KAZN: variants seen among roughly 807,000 people sequenced by gnomAD.
KAZN encodes the protein kazrin, periplakin interacting protein.
A neutral mutation model predicts 87.4 loss-of-function variants in KAZN; 40 were observed. The observed-to-expected ratio is 0.46, with a 90% CI of 0.36 to 0.60. The LOEUF is 0.60. Ranked by LOEUF, KAZN falls within the 20% of genes least tolerant of loss-of-function variation. The probability of loss-of-function intolerance (pLI) is 0.00; values close to 1 mark genes in which losing one functional copy is unlikely to be tolerated. For synonymous variants in KAZN, 466 were observed against 458.3 expected (o/e 1.02, Z -0.22); for missense variants, 898 against 1,073.9 (o/e 0.84, Z 2.29).
At chr1:14,580,708 C>T (rs1196130485) in intron 2 of KAZN, among the ~76,000 whole-genome samples, 2 of 152,002 alleles carry the variant, frequency 1.3e-5, no homozygotes, top group African/African-American at 4.8e-5. Context: ...TTTTATGCTG[C>T]TTTATTTATG....
chr1:14,763,701 C>T (rs757704652), intron 1 of KAZN, among the ~76,000 whole-genome samples: 4 of 152,130 alleles, frequency 2.6e-5, no homozygotes, highest in African/African-American at 9.7e-5. Context: ...CAATTATGAT[C>T]CTTTGCCTAA....
intron 2 of KAZN, among the ~76,000 whole-genome samples, chr1:14,329,450 T>C (rs1052959564): frequency 1.3e-5 from 2 of 152,156 alleles, no homozygotes; most frequent in African/African-American, 4.8e-5. Context: ...ATGAGAAATA[T>C]CCACTATACC....
chr1:14,801,930 C>T (rs566720226), intron 1 of KAZN, among the ~76,000 whole-genome samples: 6 of 152,124 alleles, frequency 3.9e-5, no homozygotes, highest in South Asian at 2.1e-4. Context: ...GTAATCCGCC[C>T]GCCTTGGCCT....
At chr1:14,937,248 A>T (rs75519826) in intron 1 of KAZN, among the ~76,000 whole-genome samples, 6,433 of 152,310 alleles carry the variant, frequency 0.042, 169 homozygotes, top group Middle Eastern at 0.1. Context: ...ATAGGACCAG[A>T]GGAGAGCCTT....
At chr1:14,815,939 C>T (rs189460547) in intron 1 of KAZN, among the ~76,000 whole-genome samples, 14 of 152,260 alleles carry the variant, frequency 9.2e-5, no homozygotes, top group East Asian at 3.9e-4. Context: ...AAATGAACCC[C>T]GAGTACACAC....
At chr1:14,794,494 G>T (rs924374719) in intron 1 of KAZN, among the ~76,000 whole-genome samples, 2 of 152,202 alleles carry the variant, frequency 1.3e-5, no homozygotes, top group African/African-American at 4.8e-5. Flanking sequence ...TGGTGTGCTG[G>T]TAAGTGTTGA....
At chr1:14,362,781 G>A (rs1203818019) in intron 2 of KAZN, among the ~76,000 whole-genome samples, 1 of 152,162 alleles carries the variant, frequency 6.6e-6, no homozygotes, top group African/African-American at 2.4e-5. Context: ...CAAGAAAATA[G>A]CAAATCTAGG....
intron 1 of KAZN, among the ~76,000 whole-genome samples, chr1:14,904,906 C>A (rs1016247400): frequency 6.6e-6 from 1 of 152,180 alleles, no homozygotes; most frequent in African/African-American, 2.4e-5. Context: ...GAACTACAGG[C>A]GCTGGCCACC....
At chr1:14,201,800 C>G (rs992730746) in intron 2 of KAZN, among the ~76,000 whole-genome samples, 8 of 152,176 alleles carry the variant, frequency 5.3e-5, no homozygotes, top group African/African-American at 1.9e-4. Flanking sequence ...TCCCGAGTAG[C>G]TGGGATTACA....
intron 1 of KAZN, among the ~76,000 whole-genome samples, chr1:14,129,566 C>CT: frequency 6.6e-6 from 1 of 152,312 alleles, no homozygotes; most frequent in South Asian, 2.1e-4. Context: ...ATCTGTGGGG[C>CT]TGTGCTGCGT....
intron 2 of KAZN, among the ~76,000 whole-genome samples, chr1:14,419,314 G>A (rs910935738): frequency 6.6e-6 from 1 of 152,168 alleles, no homozygotes; most frequent in Non-Finnish European, 1.5e-5. Context: ...GGCCGGGTCT[G>A]ACCCCTATTC....
At chr1:15,037,459 C>T (rs1672452528) in intron 3 of KAZN, among the ~76,000 whole-genome samples, 1 of 152,198 alleles carries the variant, frequency 6.6e-6, no homozygotes, top group Admixed American at 6.5e-5. Context: ...AGCTGACTCT[C>T]CCCGGTCTCA....
At chr1:14,719,574 CACA>C (rs1642984908) in intron 1 of KAZN, among the ~76,000 whole-genome samples, 1 of 152,206 alleles carries the variant, frequency 6.6e-6, no homozygotes, top group East Asian at 1.9e-4. Context: ...CGTGGTGGCT[CACA>C]CTTGTAATCC....
chr1:14,317,961 C>T (rs1266358397), intron 2 of KAZN, among the ~76,000 whole-genome samples: 2 of 151,882 alleles, frequency 1.3e-5, no homozygotes, highest in Admixed American at 6.6e-5. Flanking sequence ...TAAATTATGC[C>T]TTATCATTTC....
At position 15,060,077 on chromosome 1, in the gene KAZN, T is replaced by C. The variant is rs551681611; in HGVS notation, c.917-95T>C. 6,808 of 1,507,178 alleles carry C rather than the reference T, an allele frequency of 4.5e-3. 43 individuals carry two copies. The highest frequency in any genetic ancestry group is 0.014 in the South Asian group (1,163 of 80,886). 93.4% of individuals were successfully genotyped at this position (1,507,178 alleles called of 1,614,324 possible). ...TTCTCTACACCTCAGTGTTCCCATC[T>C]GTAGAACGGGGGTGTTGGGTGGAAT... On this transcript the variant is annotated intron_variant, in intron 5 of 14. Coordinates refer to ENST00000376030, the MANE Select transcript of KAZN (RefSeq NM_201628.3).
At position 13,923,588 on chromosome 1, in the gene KAZN, A is replaced by AAG. The variant is rs1553174049; in HGVS notation, c.91+29833_91+29834insGA. Among the ~76,000 whole-genome samples the AAG allele has an allele frequency of 5.0e-5, 7 of 139,884 alleles. 3 individuals are homozygous for AAG. Among genetic ancestry groups the AAG allele is most frequent in the Admixed American group, 7.1e-5 (1 of 14,050 alleles). The allele number at this position is 139,884 out of a possible 152,430, so 91.8% of individuals were successfully genotyped here. On this transcript the variant is annotated intron_variant, in intron 1 of 16. Coordinates refer to the KAZN transcript ENST00000636203. ...ACTCCATCTCAAAAAAAAAAAAAAA[A>AAG]AAAATATAATTACTGTTTGTTAAGT...
chr1:14,167,776 A>C (rs983795913), intron 1 of KAZN, among the ~76,000 whole-genome samples: 3 of 152,128 alleles, frequency 2.0e-5, no homozygotes, highest in African/African-American at 7.2e-5. Flanking sequence ...AATTTAGAGA[A>C]GTTAGGAAGG....
At chr1:14,821,729 C>A (rs1353010157) in intron 1 of KAZN, among the ~76,000 whole-genome samples, 1 of 152,120 alleles carries the variant, frequency 6.6e-6, no homozygotes, top group Non-Finnish European at 1.5e-5. Flanking sequence ...TCTCAGACTT[C>A]CAGCCTCCAG....
At chr1:14,629,630 G>A (rs1679415719) in intron 1 of KAZN, among the ~76,000 whole-genome samples, 1 of 152,106 alleles carries the variant, frequency 6.6e-6, no homozygotes, top group African/African-American at 2.4e-5. Context: ...TCCAGGGCTC[G>A]TTGCTTCCTT....
Sources: allele counts gnomAD v4.1 joint callset (sites outside exome capture counted in the v4.1 genomes callset), GRCh38; gene constraint gnomAD v4.1.1; transcripts MANE v1.5; gene names NCBI Gene and HGNC (gene_info 2026-07-23, HGNC 2026-07-21).